The following SLC5A11 variants were observed in gnomAD, a reference collection of about 807,000 sequenced individuals.
SLC5A11 encodes solute carrier family 5 member 11, also known as sodium/myo-inositol cotransporter 2.
Under a neutral mutation model 69.8 loss-of-function variants are expected in SLC5A11, and 48 were observed. That is an observed-to-expected ratio of 0.69 (90% CI 0.55 to 0.87). SLC5A11 has a LOEUF of 0.87. SLC5A11 is among the 40% of genes least tolerant of loss of function. The pLI is 0.00. For missense variants in SLC5A11, 784 were observed against 866.1 expected, an observed-to-expected ratio of 0.91 and a Z score of 1.19; for synonymous variants, 319 against 342.4, an observed-to-expected ratio of 0.93 and a Z score of 0.75.
chr16:24,882,607 G>A (rs1278656401), intron 7 of SLC5A11, among the ~76,000 whole-genome samples: 3 of 152,196 alleles, frequency 2.0e-5, no homozygotes, highest in African/African-American at 7.2e-5. Flanking sequence ...TCCAGATGCT[G>A]ATGGATTTGC....
chr16:24,861,735 AAAAGAAAG>A (rs143638667), intron 2 of SLC5A11, among the ~76,000 whole-genome samples: 3 of 141,066 alleles, frequency 2.1e-5, no homozygotes, highest in African/African-American at 8.1e-5. Context: ...AGAAGAAAGA[AAAAGAAAG>A]AAAGAAAAAG....
intron 6 of SLC5A11, among the ~76,000 whole-genome samples, chr16:24,876,660 T>C (rs1354089820): frequency 1.3e-5 from 2 of 152,136 alleles, no homozygotes; most frequent in Non-Finnish European, 2.9e-5. Context: ...CAACACAGGC[T>C]CCTTTCTAGA....
At chr16:24,880,875 C>T (rs996719346) in intron 7 of SLC5A11, among the ~76,000 whole-genome samples, 5 of 152,182 alleles carry the variant, frequency 3.3e-5, no homozygotes, top group East Asian at 1.9e-4. Context: ...TCGCCAACGT[C>T]GGTTATCTTT....
Position 24,897,017 on chromosome 16 carries a change from A to G in SLC5A11, c.871-957A>G, listed in dbSNP as rs1264203544. On this transcript the variant is annotated intron_variant, in intron 9 of 15. Transcript: ENST00000347898. Reference sequence around the variant, plus strand: ...GCCCAGGCTGAAGTGCAGTGGTGCGATCTTGGCTCACTGCACCCTCCACCT... The same window carrying G: ...GCCCAGGCTGAAGTGCAGTGGTGCGGTCTTGGCTCACTGCACCCTCCACCT... Among the ~76,000 whole-genome samples the G allele has an allele frequency of 3.9e-5, 5 of 127,558 alleles. No individual in the cohort carries two copies. The East Asian group carries it at 1.2e-3, about 31-fold the overall frequency. 83.7% of individuals were successfully genotyped at this position (127,558 alleles called of 152,430 possible). A position where few individuals can be genotyped will look rare whatever the true frequency, so the allele number is the denominator to read the frequency against.
chr16:24,898,966 A>G (rs1267960912), intron 10 of SLC5A11, among the ~76,000 whole-genome samples: 2 of 152,028 alleles, frequency 1.3e-5, no homozygotes, highest in African/African-American at 2.4e-5. Flanking sequence ...ACAGGCATGC[A>G]CTACCACACC....
chr16:24,884,237 C>T, intron 8 of SLC5A11, 106 bp downstream of exon 9: 1 of 1,075,398 alleles, frequency 9.3e-7, no homozygotes, highest in East Asian at 2.5e-5. Flanking sequence ...AAAGAGCATA[C>T]TACTGGGGAA....
At chr16:24,879,144 GT>G (rs933020600) in intron 7 of SLC5A11, among the ~76,000 whole-genome samples, 5 of 147,792 alleles carry the variant, frequency 3.4e-5, no homozygotes, top group East Asian at 2.0e-4. Flanking sequence ...TTGGTTTTTT[GT>G]TTTTTTTTTA....
intron 4 of SLC5A11, among the ~76,000 whole-genome samples, chr16:24,870,466 A>C (rs201396557): frequency 4.2e-5 from 5 of 120,048 alleles, no homozygotes; most frequent in Admixed American, 1.7e-4. Context: ...CACACACACA[A>C]ACCCAAAAAA....
intron 9 of SLC5A11, among the ~76,000 whole-genome samples, chr16:24,896,992 G>A (rs897288493): frequency 1.3e-4 from 15 of 115,134 alleles, no homozygotes; most frequent in East Asian, 1.1e-3. Context: ...TCACTCTATC[G>A]CCCAGGCTGA....
intron 1 of SLC5A11, 26 bp from the exon 3 acceptor site, chr16:24,858,594 T>A (rs766577382): frequency 1.3e-6 from 2 of 1,569,600 alleles, no homozygotes; most frequent in Non-Finnish European, 1.7e-6. Flanking sequence ...GGATCTGGCA[T>A]TTGACTGGCA....
intron 7 of SLC5A11, among the ~76,000 whole-genome samples, chr16:24,878,791 G>A (rs2047853652): frequency 6.6e-6 from 1 of 152,190 alleles, no homozygotes; most frequent in Non-Finnish European, 1.5e-5. Context: ...CCAACACTTT[G>A]GGAGGCCGAG....
chr16:24,910,520 G>A, intron 15 of SLC5A11, 43 bp downstream of exon 16: 3 of 1,547,422 alleles, frequency 1.9e-6, no homozygotes, highest in South Asian at 1.2e-5. Context: ...AGGAGTACGT[G>A]TTAAAGGGAT....
chr16:24,872,041 G>A (rs1465886147), intron 4 of SLC5A11, 119 bp from the exon 6 acceptor site: 2 of 1,134,940 alleles, frequency 1.8e-6, no homozygotes, highest in Admixed American at 1.7e-5. Context: ...CACTCAGCGA[G>A]TAAGAGACTA....
At chr16:24,852,677 A>G (rs2059361443) in intron 1 of SLC5A11, among the ~76,000 whole-genome samples, 1 of 152,208 alleles carries the variant, frequency 6.6e-6, no homozygotes, top group Non-Finnish European at 1.5e-5. Context: ...AGGTACACAC[A>G]GGGTGCAGGG....
Position 24,898,117 on chromosome 16 carries a change from C to T in SLC5A11, c.1006+8C>T. The T allele has an allele frequency of 5.6e-6, 9 of 1,613,538 alleles. No homozygotes were observed. Among genetic ancestry groups the T allele is most frequent in the Non-Finnish European group, 7.6e-6 (9 of 1,179,858 alleles). ...GCCGCATCCTCTTCCCAGGTGAGAA[C>T]ACAGCTGGGGGAAGAGGTCATTGGT... On this transcript the variant is annotated splice_region_variant and intron_variant, in intron 10 of 15. Transcript: ENST00000347898.
intron 4 of SLC5A11, among the ~76,000 whole-genome samples, chr16:24,870,799 A>AT (rs1184199885): frequency 6.6e-6 from 1 of 151,424 alleles, no homozygotes; most frequent in East Asian, 1.9e-4. Context: ...AAAAAAAAAA[A>AT]AAAAAGGGTG....
chr16:24,894,612 T>C (rs566074211), intron 9 of SLC5A11, among the ~76,000 whole-genome samples: 8 of 151,652 alleles, frequency 5.3e-5, no homozygotes, highest in Admixed American at 1.3e-4. Context: ...CCATCCTGGC[T>C]AACACAGTGA....
At position 24,871,130 on chromosome 16, in the gene SLC5A11, G is replaced by A. The variant is rs958438412; in HGVS notation, c.313-1030G>A. Among the ~76,000 whole-genome samples the A allele has an allele frequency of 3.9e-5, 6 of 152,126 alleles. No individual in the cohort carries two copies. In the East Asian group the frequency reaches 1.2e-3, roughly 29 times the overall value. ...GAACAGACTTTGATATGTTCCATAT[G>A]CTATCACATTATAGGATTCATTTAC... is the stretch of plus-strand genomic sequence containing the variant. On this transcript the variant is annotated intron_variant, in intron 4 of 15. Coordinates refer to ENST00000347898, the Ensembl canonical transcript of SLC5A11.
chr16:24,847,916 G>A (rs1315995895), intron 1 of SLC5A11, among the ~76,000 whole-genome samples: 1 of 152,222 alleles, frequency 6.6e-6, no homozygotes, highest in Non-Finnish European at 1.5e-5. Context: ...GGCTTGCTGT[G>A]CAGTGCAGAC....
Sources: gnomAD v4.1 joint callset for allele counts (sites outside exome capture counted in the v4.1 genomes callset) on GRCh38, gnomAD v4.1.1 for gene constraint, MANE v1.5 for transcripts, NCBI Gene and HGNC (gene_info 2026-07-23, HGNC 2026-07-21) for gene names.